Variants in LPL observed in about 807,000 individuals in gnomAD.
LPL encodes the protein phospholipase A1.
LPL carries 43 observed loss-of-function variants against 52.2 expected under a neutral mutation model. That is an observed-to-expected ratio of 0.82 (90% CI 0.64 to 1.06). The LOEUF (loss-of-function observed/expected upper bound fraction) is 1.06, where lower values mean the gene tolerates loss of function less well. Among genes scored for constraint, LPL ranks in the 50% least tolerant of loss-of-function variants. The probability of loss-of-function intolerance (pLI) is 0.00; values close to 1 mark genes in which losing one functional copy is unlikely to be tolerated. For synonymous variants in LPL, 244 were observed against 215.6 expected (o/e 1.13, Z -1.15); for missense variants, 639 against 585.3 (o/e 1.09, Z -0.95).
intron 8 of LPL, 133 bp from the exon 9 acceptor site, chr8:19,961,982 A>C (rs2070042957): frequency 1.4e-6 from 1 of 707,890 alleles, no homozygotes; most frequent in Non-Finnish European, 2.6e-6. Context: ...TGTGACAGTT[A>C]ATTATTGGGA....
chr8:19,948,263 C>G lies in LPL; in HGVS notation c.172C>G (p.Pro58Ala). The G allele has an allele frequency of 6.2e-7, 1 of 1,614,114 alleles. No individual in the cohort carries two copies. Among genetic ancestry groups the G allele is most frequent in the East Asian group, 2.2e-5 (1 of 44,872 alleles). The change falls in exon 2 of 10, where the codon CCC becomes GCC. Residue 58 changes from proline (P) to alanine (A), a missense_variant. Pro to Ala is a conservative substitution (Grantham distance 27). Coordinates refer to ENST00000650287, the MANE Select transcript of LPL (RefSeq NM_000237.3). Reference sequence around the variant, plus strand: ...AGCTGAGGACACTTGCCACCTCATTCCCGGAGTAGCAGAGTCCGTGGCTAC... The same window carrying G: ...AGCTGAGGACACTTGCCACCTCATTGCCGGAGTAGCAGAGTCCGTGGCTAC... The part of the protein sequence containing the change: ...DTAEDTCHLI[P>A]GVAESVATCH...
chr8:19,940,983 T>G (rs560226039), intron 1 of LPL, among the ~76,000 whole-genome samples: 1 of 152,048 alleles, frequency 6.6e-6, no homozygotes, highest in Non-Finnish European at 1.5e-5. Flanking sequence ...TGGTCCCAGA[T>G]AGTCAGCAGG....
rs748387546 is a variant in LPL at position 19,965,262 on chromosome 8, A to AGTGGGGG, written c.*-48_*-47insGTGGGGG. 12 of 779,440 alleles carry AGTGGGGG rather than the reference A, an allele frequency of 1.5e-5. No homozygotes were observed. In the South Asian group the frequency reaches 1.6e-4, roughly 10 times the overall value. 48.3% of individuals were successfully genotyped at this position (779,440 alleles called of 1,614,324 possible). On this transcript the variant is annotated intron_variant, in intron 9 of 9. Coordinates refer to ENST00000650287, the MANE Select transcript of LPL (RefSeq NM_000237.3). Reference sequence around the variant, plus strand: ...AGTGGGGGACAGGCGGGAATTGTAAAACACTCAGAAGATAATAAATTGCCC... The same window carrying AGTGGGGG: ...AGTGGGGGACAGGCGGGAATTGTAAAGTGGGGGACACTCAGAAGATAATAAATTGCCC...
Position 19,953,312 on chromosome 8 carries a change from G to A in LPL, c.432G>A (p.Glu144=), listed in dbSNP as rs1459544942. Residue 144 remains glutamate, a splice_region_variant and synonymous_variant, in exon 4 of 10, where the codon GAG becomes GAA. Transcript: ENST00000650287. ...DVARFINWME[E]EFNYPLDNVH... ...TTCATTTTCTTTTTCTTCCAAAGGA[G>A]GAGTTTAACTACCCTCTGGACAATG... 1 of 1,594,784 alleles carries A rather than the reference G, an allele frequency of 6.3e-7. No individual in the cohort carries two copies. The highest frequency in any genetic ancestry group is 1.7e-5 in the Admixed American group (1 of 59,988).
intron 2 of LPL, chr8:19,948,575 C>G: frequency 4.0e-6 from 2 of 504,070 alleles, no homozygotes; most frequent in Non-Finnish European, 7.0e-6. Context: ...TGCCCTTGAG[C>G]CAGAGCTTCC....
chr8:19,943,783 T>A (rs1483723447), intron 1 of LPL, among the ~76,000 whole-genome samples: 2 of 152,184 alleles, frequency 1.3e-5, no homozygotes, highest in African/African-American at 4.8e-5. Flanking sequence ...TTAACCCCTC[T>A]TTTTCAGTAG....
At chr8:19,945,909 G>T (rs1191387989) in intron 1 of LPL, among the ~76,000 whole-genome samples, 1 of 152,212 alleles carries the variant, frequency 6.6e-6, no homozygotes, top group African/African-American at 2.4e-5. Flanking sequence ...CCTGTGGAGA[G>T]GAGGTATGAG....
Position 19,954,236 on chromosome 8 carries a change from A to C in LPL, c.658A>C (p.Ser220Arg), listed in dbSNP as rs757546424. 5 of 1,614,184 alleles carry C rather than the reference A, an allele frequency of 3.1e-6. No homozygotes were observed. The highest frequency in any genetic ancestry group is 4.2e-6 in the Non-Finnish European group (5 of 1,180,034). Residue 220 changes from serine (S) to arginine (R), a missense_variant, in exon 5 of 10, where the codon AGC (serine) becomes CGC (arginine). Coordinates refer to ENST00000650287, the MANE Select transcript of LPL (RefSeq NM_000237.3). Reference protein sequence around the residue: ...HTFTRGSPGRSIGIQKPVGHV... With the variant: ...HTFTRGSPGRRIGIQKPVGHV... ...ATTCACCAGAGGGTCCCCTGGTCGA[A>C]GCATTGGAATCCAGAAACCAGTTGG...
rs373463971 is a variant in LPL at position 19,955,913 on chromosome 8, A to G, written c.848A>G (p.Glu283Gly). The change falls in exon 6 of 10, where the codon GAA (glutamate) becomes GGA (glycine). Residue 283 changes from glutamate to glycine, a missense_variant. Coordinates refer to ENST00000650287, the MANE Select transcript of LPL (RefSeq NM_000237.3). ...TTCATCGACTCTCTGTTGAATGAAGAAAATCCAAGTAAGGCCTACAGGTGC... is the reference window on the plus strand; with the variant it reads ...TTCATCGACTCTCTGTTGAATGAAGGAAATCCAAGTAAGGCCTACAGGTGC... ...HLFIDSLLNEENPSKAYRCSS... is the reference protein window; with the variant it reads ...HLFIDSLLNEGNPSKAYRCSS... 1 of 1,614,222 alleles carries G rather than the reference A, an allele frequency of 6.2e-7. No individual in the cohort carries two copies. The highest frequency in any genetic ancestry group is 1.3e-5 in the African/African-American group (1 of 75,066).
intron 1 of LPL, chr8:19,946,574 G>T: frequency 3.3e-6 from 1 of 306,814 alleles, no homozygotes; most frequent in Non-Finnish European, 6.5e-6. Context: ...TAAATTTTGA[G>T]TTGAAAAAAA....
At chr8:19,949,912 C>T (rs556658572) in intron 2 of LPL, among the ~76,000 whole-genome samples, 2 of 152,166 alleles carry the variant, frequency 1.3e-5, no homozygotes, top group African/African-American at 4.8e-5. Context: ...TCATCTCAAT[C>T]TTATCCCTGA....
In LPL at chr8:19,951,572, C is replaced by T; in HGVS notation, c.250-197C>T. 4.4e-6 allele frequency: 3 copies of T among 689,548 alleles called. No homozygotes were observed. The South Asian group carries it at 4.9e-5, about 11-fold the overall frequency. The allele number at this position is 689,548 out of a possible 1,614,324, so 42.7% of individuals were successfully genotyped here. On this transcript the variant is annotated intron_variant, in intron 2 of 9. Transcript: ENST00000650287. ...GCCGTTCCTCAACTCAACTCAATGC[C>T]TTCCTGGCTTACTTAGATCTGCCTT... is the stretch of plus-strand genomic sequence containing the variant.
At chr8:19,961,423 G>A (rs991309656) in intron 8 of LPL, among the ~76,000 whole-genome samples, 5 of 151,928 alleles carry the variant, frequency 3.3e-5, no homozygotes, top group Non-Finnish European at 4.4e-5. Flanking sequence ...ACAAACCTCC[G>A]AGATGCTACC....
chr8:19,943,427 C>T (rs2069857169), intron 1 of LPL, among the ~76,000 whole-genome samples: 2 of 152,166 alleles, frequency 1.3e-5, no homozygotes, highest in African/African-American at 4.8e-5. Context: ...GGAGTTAGCA[C>T]TTACATTTTA....
At chr8:19,958,462 C>G (rs981398560) in intron 6 of LPL, among the ~76,000 whole-genome samples, 4 of 152,204 alleles carry the variant, frequency 2.6e-5, no homozygotes, top group Non-Finnish European at 2.9e-5. Context: ...AGAAGTTCAA[C>G]TACCTGCTTC....
chr8:19,949,433 A>T (rs2069913030), intron 2 of LPL, among the ~76,000 whole-genome samples: 1 of 152,208 alleles, frequency 6.6e-6, no homozygotes, highest in Non-Finnish European at 1.5e-5. Flanking sequence ...AAAATCTCAA[A>T]TTCCTAAACA....
chr8:19,952,162 C>T (rs990699375), intron 3 of LPL, among the ~76,000 whole-genome samples: 6 of 152,130 alleles, frequency 3.9e-5, no homozygotes, highest in African/African-American at 1.2e-4. Context: ...CCTGCTCTAT[C>T]GTTTGATATT....
Position 19,965,366 on chromosome 8 carries a change from T to A in LPL, c.*56T>A, listed in dbSNP as rs1210814050. 5.1e-6 allele frequency: 4 copies of A among 780,104 alleles called. No individual in the cohort carries two copies. The highest frequency in any genetic ancestry group is 9.6e-6 in the Non-Finnish European group (4 of 417,868). The allele number at this position is 780,104 out of a possible 1,614,324, so 48.3% of individuals were successfully genotyped here. On this transcript the variant is annotated 3_prime_UTR_variant, in exon 10 of 10. Transcript: ENST00000650287. The stretch of plus-strand genomic sequence containing the variant: ...CATGTGAATTCTGTGAAGAATGAAG[T>A]GGAGGAAGTAACTTTTACAAAACAT...
At chr8:19,954,843 A>AGAT (rs945791840) in intron 5 of LPL, among the ~76,000 whole-genome samples, 2 of 152,096 alleles carry the variant, frequency 1.3e-5, no homozygotes, top group African/African-American at 4.8e-5. Flanking sequence ...TTGTTTTTTG[A>AGAT]GATAGAGTCT....
Sources: allele counts gnomAD v4.1 joint callset (sites outside exome capture counted in the v4.1 genomes callset), GRCh38; gene constraint gnomAD v4.1.1; transcripts MANE v1.5; gene names NCBI Gene and HGNC (gene_info 2026-07-23, HGNC 2026-07-21).